The following ST6GAL2 variants were observed in gnomAD, a reference collection of about 807,000 sequenced individuals.
ST6GAL2 encodes ST6 beta-galactoside alpha-2,6-sialyltransferase 2.
A neutral mutation model predicts 37.5 loss-of-function variants in ST6GAL2; 24 were observed. The ratio of observed to expected loss-of-function variants is 0.64; its 90% CI spans 0.46 to 0.90. The LOEUF (loss-of-function observed/expected upper bound fraction) is 0.90. Among genes scored for constraint, ST6GAL2 ranks in the 40% least tolerant of loss-of-function variants. The pLI, the probability that ST6GAL2 is intolerant of heterozygous loss-of-function variation, is 0.00. For synonymous variants in ST6GAL2, 306 were observed against 295.1 expected (o/e 1.04, Z -0.38); for missense variants, 715 against 712.7 (o/e 1.00, Z -0.04).
At chr2:106,886,959 G>T, upstream of ST6GAL2, 1 of 152,608 alleles carries the variant, frequency 6.6e-6, no homozygotes, top group Non-Finnish European at 1.5e-5. Flanking sequence ...TCCAGCCCTA[G>T]TTCTTCCGAA....
intron 1 of ST6GAL2, among the ~76,000 whole-genome samples, chr2:106,882,841 A>G (rs1394769413): frequency 2.6e-5 from 4 of 152,230 alleles, no homozygotes; most frequent in African/African-American, 9.6e-5. Context: ...AAGACCACAG[A>G]GGGCAGCAGA....
chr2:106,843,701 G>GC lies in ST6GAL2; in HGVS notation c.276dup (p.Pro93AlafsTer15). Reference sequence around the variant, plus strand: ...TGGGCCCATTTCTGCAGGTCTCCAGGCCCCGCATGAAAGGAACCGGCTGGG... The same window carrying GC: ...TGGGCCCATTTCTGCAGGTCTCCAGGCCCCCGCATGAAAGGAACCGGCTGGG... On this transcript the variant is annotated frameshift_variant, in exon 2 of 6. Coordinates refer to ENST00000409382, the MANE Select transcript of ST6GAL2 (RefSeq NM_001142351.2). LOFTEE classifies it high-confidence loss of function. The GC allele has an allele frequency of 6.2e-7, 1 of 1,613,140 alleles. No homozygotes were observed. The highest frequency in any genetic ancestry group is 8.5e-7 in the Non-Finnish European group (1 of 1,179,998).
intron 5 of ST6GAL2, among the ~76,000 whole-genome samples, chr2:106,824,525 G>A (rs34217790): frequency 0.14 from 20,855 of 152,004 alleles, 2,009 homozygotes; most frequent in East Asian, 0.49. Flanking sequence ...CCAGCCACTC[G>A]GGGGACTGAG....
At chr2:106,881,800 T>C (rs1258265768) in intron 1 of ST6GAL2, among the ~76,000 whole-genome samples, 1 of 152,232 alleles carries the variant, frequency 6.6e-6, no homozygotes, top group African/African-American at 2.4e-5. Context: ...GTGTGAATTA[T>C]AAACTTCTGA....
intron 1 of ST6GAL2, among the ~76,000 whole-genome samples, chr2:106,858,965 C>T (rs749329848): frequency 4.3e-4 from 65 of 152,126 alleles, no homozygotes; most frequent in Non-Finnish European, 7.3e-4. Context: ...GGTGTGCAGG[C>T]ATGGGAGTGG....
chr2:106,886,653 C>T (rs1679011737), upstream of ST6GAL2: 1 of 151,848 alleles, frequency 6.6e-6, no homozygotes, highest in Non-Finnish European at 1.5e-5. Context: ...CTGCGCCGCG[C>T]CCCGCCCCCG....
At chr2:106,858,522 G>T (rs1426774615) in intron 1 of ST6GAL2, among the ~76,000 whole-genome samples, 1 of 152,154 alleles carries the variant, frequency 6.6e-6, no homozygotes, top group Non-Finnish European at 1.5e-5. Context: ...TGTGTTTCAA[G>T]GAGTGAAGAA....
chr2:106,845,484 C>G (rs1211563095), intron 1 of ST6GAL2, among the ~76,000 whole-genome samples: 1 of 152,192 alleles, frequency 6.6e-6, no homozygotes, highest in Non-Finnish European at 1.5e-5. Flanking sequence ...AGGGGAGGGT[C>G]TGCCAGGGGA....
intron 1 of ST6GAL2, among the ~76,000 whole-genome samples, chr2:106,882,502 CTAT>C (rs1189630658): frequency 1.3e-5 from 2 of 152,186 alleles, no homozygotes; most frequent in Non-Finnish European, 2.9e-5. Context: ...AAATTAGTTA[CTAT>C]TATTATTCTT....
At chr2:106,881,405 T>G (rs1401730146) in intron 1 of ST6GAL2, among the ~76,000 whole-genome samples, 1 of 152,232 alleles carries the variant, frequency 6.6e-6, no homozygotes. Context: ...AGTTCCATTT[T>G]GTAACTGGGT....
Position 106,834,136 on chromosome 2 carries a change from A to G in ST6GAL2, c.954T>C (p.Asp318=). The G allele has an allele frequency of 6.2e-7, 1 of 1,612,346 alleles. No homozygotes were observed. The highest frequency in any genetic ancestry group is 8.5e-7 in the Non-Finnish European group (1 of 1,178,564). ...GAGCAGAGTTAAATCTCAAAACCGCATCATGAGAATCTAAGGGCACATAAG... is the reference window on the plus strand; with the variant it reads ...GAGCAGAGTTAAATCTCAAAACCGCGTCATGAGAATCTAAGGGCACATAAG... ...SSLGEEIDSH[D]AVLRFNSAPT... Residue 318 remains aspartate (D), a synonymous_variant, in exon 3 of 6, where the codon GAT becomes GAC. Coordinates refer to ENST00000409382, the MANE Select transcript of ST6GAL2 (RefSeq NM_001142351.2).
intron 1 of ST6GAL2, among the ~76,000 whole-genome samples, chr2:106,858,450 A>T (rs1677668896): frequency 6.6e-6 from 1 of 152,232 alleles, no homozygotes; most frequent in Non-Finnish European, 1.5e-5. Context: ...GCCCTAAAGG[A>T]TAATTGGGGC....
Position 106,843,540 on chromosome 2 carries a change from C to A in ST6GAL2, c.438G>T (p.Gly146=), listed in dbSNP as rs748431466. 3 of 1,614,054 alleles carry A rather than the reference C, an allele frequency of 1.9e-6. No homozygotes were observed. Among genetic ancestry groups the A allele is most frequent in the East Asian group, 4.5e-5 (2 of 44,872 alleles). ...GQPGWHSHTQ[G]TLGFPSPGEP... ...CCCCGGGGGAAGGGAATCCCAATGT[C>A]CCCTGAGTGTGGCTGTGCCACCCTG... The change falls in exon 2 of 6, where the codon GGG becomes GGT. Residue 146 remains glycine (G), a synonymous_variant. Coordinates refer to ENST00000409382, the MANE Select transcript of ST6GAL2 (RefSeq NM_001142351.2).
At chr2:106,862,627 A>G (rs545545846) in intron 1 of ST6GAL2, among the ~76,000 whole-genome samples, 8 of 152,256 alleles carry the variant, frequency 5.3e-5, no homozygotes, top group African/African-American at 1.9e-4. Context: ...ATGTGAAGAA[A>G]AAAAAAAAGC....
chr2:106,802,840 C>G lies in ST6GAL2; in HGVS notation c.*3838G>C, dbSNP rs1045207094. On this transcript the variant is annotated 3_prime_UTR_variant, in exon 6 of 6. Transcript: ENST00000409382. ...GTCCCACCTCACTCCCTTTCTCTGT[C>G]TCTTACCACAGCTAAGCAGAAATTC... is the stretch of plus-strand genomic sequence containing the variant. The G allele has an allele frequency of 6.6e-6, 1 of 152,236 alleles. No homozygotes were observed. Among genetic ancestry groups the G allele is most frequent in the East Asian group, 1.9e-4 (1 of 5,192 alleles). The allele number at this position is 152,236 out of a possible 1,614,324, so 9.4% of individuals were successfully genotyped here. A position where few individuals can be genotyped will look rare whatever the true frequency, so the allele number is the denominator to read the frequency against.
Position 106,843,845 on chromosome 2 carries a change from A to G in ST6GAL2, c.133T>C (p.Phe45Leu), listed in dbSNP as rs1474242668. The G allele has an allele frequency of 6.2e-7, 1 of 1,612,318 alleles. No homozygotes were observed. Among genetic ancestry groups the G allele is most frequent in the Non-Finnish European group, 8.5e-7 (1 of 1,179,664 alleles). Residue 45 changes from phenylalanine to leucine, a missense_variant, in exon 2 of 6, where the codon TTC becomes CTC. By Grantham distance (22) the Phe-to-Leu change is conservative. This residue lies in a region of ST6GAL2 where 512 missense variants were observed against 488.8 expected (regional missense o/e 1.05). Transcript: ENST00000409382. ...GGCAGGAGCCTCCTGGTCTCCAGGA[A>G]GGAGAGGGAGCTGGGTACAGGCTCA... ...PAEPVPSSLS[F>L]LETRRLLPVQ... is the part of the protein sequence containing the mutation.
At chr2:106,848,303 G>A (rs1677227120) in intron 1 of ST6GAL2, among the ~76,000 whole-genome samples, 1 of 152,164 alleles carries the variant, frequency 6.6e-6, no homozygotes, top group South Asian at 2.1e-4. Flanking sequence ...AAAAGTTTTA[G>A]AAGTTCCATG....
At chr2:106,867,130 G>A (rs1678062136) in intron 1 of ST6GAL2, among the ~76,000 whole-genome samples, 1 of 152,126 alleles carries the variant, frequency 6.6e-6, no homozygotes. Context: ...ACCTTGGAGG[G>A]CACTTCTTTC....
chr2:106,809,110 G>A (rs1312603084), intron 5 of ST6GAL2, among the ~76,000 whole-genome samples: 1 of 152,256 alleles, frequency 6.6e-6, no homozygotes, highest in Non-Finnish European at 1.5e-5. Context: ...TGTGTCTGTG[G>A]AGCTGAGGAC....
Sources: allele counts gnomAD v4.1 joint callset (sites outside exome capture counted in the v4.1 genomes callset), GRCh38; gene constraint gnomAD v4.1.1; regional missense constraint gnomAD v4.1.1; transcripts MANE v1.5; gene names NCBI Gene and HGNC (gene_info 2026-07-23, HGNC 2026-07-21).